The following NTRK3 variants were observed in gnomAD, a reference collection of about 807,000 sequenced individuals.
The protein encoded by NTRK3 is NT-3 growth factor receptor.
Under a neutral mutation model 91.7 loss-of-function variants are expected in NTRK3, and 24 were observed. The observed-to-expected ratio is 0.26, with a 90% CI of 0.19 to 0.37. The LOEUF (loss-of-function observed/expected upper bound fraction) is 0.37, where lower values mean the gene tolerates loss of function less well. Ranked by LOEUF, NTRK3 falls within the 10% of genes least tolerant of loss-of-function variation. The pLI is 1.00. For synonymous variants in NTRK3, 483 were observed against 404.0 expected (o/e 1.20, Z -2.34); for missense variants, 880 against 1,068.9 (o/e 0.82, Z 2.46).
rs1247618769 is a variant in NTRK3, at chr15:88,072,594, G to A, written c.1397-39549C>T. ...TTAAGCAAGACAGCCAAAAGCTCCAGGCCATCTAGAAATAAACACAGTTTA... is the reference window on the plus strand; with the variant it reads ...TTAAGCAAGACAGCCAAAAGCTCCAAGCCATCTAGAAATAAACACAGTTTA... On this transcript the variant is annotated intron_variant, in intron 13 of 18. Coordinates refer to ENST00000394480, the Ensembl canonical transcript of NTRK3. 5 of 232,454 alleles carry A rather than the reference G, an allele frequency of 2.2e-5. No individual in the cohort carries two copies. In the Admixed American group the frequency reaches 2.3e-4, roughly 10 times the overall value. The allele number at this position is 232,454 out of a possible 1,614,324, so 14.4% of individuals were successfully genotyped here. A position where few individuals can be genotyped will look rare whatever the true frequency, so the allele number is the denominator to read the frequency against.
intron 3 of NTRK3, among the ~76,000 whole-genome samples, chr15:88,247,279 A>T (rs2052930670): frequency 6.6e-6 from 1 of 152,184 alleles, no homozygotes; most frequent in South Asian, 2.1e-4. Flanking sequence ...GTCCCAGAGC[A>T]GACACCAACA....
At chr15:87,940,490 G>T in intron 15 of NTRK3, 133 bp downstream of exon 15, 1 of 1,432,690 alleles carries the variant, frequency 7.0e-7, no homozygotes. Flanking sequence ...CATTGACCTC[G>T]GAGCAAAGTC....
chr15:88,059,356 A>T (rs1373504631), intron 13 of NTRK3, among the ~76,000 whole-genome samples: 1 of 152,182 alleles, frequency 6.6e-6, no homozygotes, highest in Non-Finnish European at 1.5e-5. Flanking sequence ...TTTGTACCCC[A>T]AGCCAGGAGT....
intron 14 of NTRK3, among the ~76,000 whole-genome samples, chr15:88,005,916 A>G (rs2076454332): frequency 6.6e-6 from 1 of 152,220 alleles, no homozygotes; most frequent in African/African-American, 2.4e-5. Context: ...TAACCAGAGC[A>G]TAAGAGGTTT....
At position 87,999,072 on chromosome 15, in the gene NTRK3, G is replaced by A. The variant is rs142620307; in HGVS notation, c.1585+33785C>T. On this transcript the variant is annotated intron_variant, in intron 14 of 18. Coordinates refer to ENST00000394480, the Ensembl canonical transcript of NTRK3. The stretch of plus-strand genomic sequence containing the variant: ...CAGGGTATGAAAGGCTCCTGTGGGT[G>A]CTTCTCAAAGCTTCTCTCCCCCATG... 2.8e-4 allele frequency among the ~76,000 whole-genome samples: 42 copies of A among 152,242 alleles called. No individual in the cohort carries two copies. The East Asian group carries it at 7.3e-3, about 27-fold the overall frequency.
chr15:87,978,954 G>T, intron 14 of NTRK3: 1 of 343,486 alleles, frequency 2.9e-6, no homozygotes, highest in South Asian at 4.6e-5. Flanking sequence ...CAGGGAAAGT[G>T]AGGCTGGAGC....
intron 10 of NTRK3, among the ~76,000 whole-genome samples, chr15:88,134,097 C>T (rs915444546): frequency 1.3e-5 from 2 of 152,172 alleles, no homozygotes; most frequent in African/African-American, 4.8e-5. Context: ...CATGCATGTG[C>T]ATGTGTGTAT....
At chr15:88,029,226 T>C (rs1567252500) in intron 14 of NTRK3, among the ~76,000 whole-genome samples, 1 of 152,132 alleles carries the variant, frequency 6.6e-6, no homozygotes, top group Non-Finnish European at 1.5e-5. Context: ...TCTTTCGGAA[T>C]CCCTGGAAAG....
intron 14 of NTRK3, among the ~76,000 whole-genome samples, chr15:87,941,847 G>C (rs1242132609): frequency 6.6e-6 from 1 of 152,330 alleles, no homozygotes; most frequent in South Asian, 2.1e-4. Context: ...GCGATGAAAA[G>C]AGCAAACAGG....
At chr15:88,066,806 CT>C (rs985483260) in intron 13 of NTRK3, among the ~76,000 whole-genome samples, 6 of 152,172 alleles carry the variant, frequency 3.9e-5, no homozygotes, top group African/African-American at 1.4e-4. Context: ...GGGCAGCAAC[CT>C]CCTGACATAT....
exon 2 of NTRK3, chr15:88,256,418 C>T: frequency 1.8e-6 from 1 of 547,482 alleles, no homozygotes; most frequent in Non-Finnish European, 3.2e-6. Flanking sequence ...GCATGGTGGC[C>T]GGCTCGGCGA....
chr15:88,207,300 C>A (rs530010250), intron 3 of NTRK3, among the ~76,000 whole-genome samples: 5 of 152,304 alleles, frequency 3.3e-5, no homozygotes, highest in Admixed American at 1.3e-4. Flanking sequence ...GGTGGTGGAA[C>A]TGTCTTCAGT....
intron 13 of NTRK3, among the ~76,000 whole-genome samples, chr15:88,110,232 A>T (rs2051181958): frequency 6.6e-6 from 1 of 152,178 alleles, no homozygotes. Flanking sequence ...GTAAAGAAAG[A>T]GACAATAAGG....
chr15:87,870,211 C>T (rs2064789842), exon 19 of NTRK3: 1 of 186,430 alleles, frequency 5.4e-6, no homozygotes, highest in South Asian at 2.0e-4. Context: ...CACACACACA[C>T]ACACACAAAC....
chr15:88,143,506 C>T (rs1338604690), intron 6 of NTRK3, among the ~76,000 whole-genome samples: 1 of 152,278 alleles, frequency 6.6e-6, no homozygotes. Context: ...AATTTGTTAA[C>T]GCAGCCTAGG....
At chr15:88,253,552 T>G (rs1183337405) in intron 3 of NTRK3, 2 of 152,176 alleles carry the variant, frequency 1.3e-5, no homozygotes, top group East Asian at 3.9e-4. Context: ...TCGAGCTCAG[T>G]CAATACCAGC....
intron 14 of NTRK3, among the ~76,000 whole-genome samples, chr15:87,990,181 C>CTA (rs2075178108): frequency 6.6e-6 from 1 of 152,134 alleles, no homozygotes; most frequent in Non-Finnish European, 1.5e-5. Flanking sequence ...AAAGCTACAA[C>CTA]TTTATCGTCT....
chr15:88,027,653 A>G (rs2078156934), intron 14 of NTRK3, among the ~76,000 whole-genome samples: 1 of 152,212 alleles, frequency 6.6e-6, no homozygotes, highest in Admixed American at 6.5e-5. Flanking sequence ...AAGTGCTGGG[A>G]TTACAGGCGT....
At chr15:88,156,218 A>T (rs1451770223) in intron 5 of NTRK3, among the ~76,000 whole-genome samples, 4 of 152,220 alleles carry the variant, frequency 2.6e-5, no homozygotes, top group Admixed American at 1.3e-4. Flanking sequence ...AGTAGCTGCC[A>T]GCATCCTCTC....
Sources: allele counts gnomAD v4.1 joint callset (sites outside exome capture counted in the v4.1 genomes callset), GRCh38; gene constraint gnomAD v4.1.1; transcripts MANE v1.5; gene names NCBI Gene and HGNC (gene_info 2026-07-23, HGNC 2026-07-21).